SPATA13: variants seen among roughly 807,000 people sequenced by gnomAD.
SPATA13 encodes the protein spermatogenesis-associated protein 13.
A neutral mutation model predicts 104.0 loss-of-function variants in SPATA13; 50 were observed. That is an observed-to-expected ratio of 0.48 (90% CI 0.38 to 0.61). The LOEUF (loss-of-function observed/expected upper bound fraction) is 0.61, where lower values mean the gene tolerates loss of function less well. Ranked by LOEUF, SPATA13 falls within the 20% of genes least tolerant of loss-of-function variation. SPATA13 has a pLI of 0.00. For missense variants in SPATA13, 1,524 were observed against 1,690.6 expected (o/e 0.90, Z 1.73); for synonymous variants, 606 against 667.5 (o/e 0.91, Z 1.42).
chr13:24,076,071 G>A (rs1288875946), intron 3 of SPATA13, among the ~76,000 whole-genome samples: 1 of 152,130 alleles, frequency 6.6e-6, no homozygotes, highest in Admixed American at 6.6e-5. Flanking sequence ...ACGGAAACAC[G>A]TTTCCCCACT....
At chr13:24,003,656 T>A (rs973501545) in intron 2 of SPATA13, among the ~76,000 whole-genome samples, 1 of 152,236 alleles carries the variant, frequency 6.6e-6, no homozygotes, top group African/African-American at 2.4e-5. Context: ...ATATAATGCA[T>A]TTCAAGCAAT....
At chr13:24,143,810 T>C (rs962327943) in intron 3 of SPATA13, among the ~76,000 whole-genome samples, 1 of 152,202 alleles carries the variant, frequency 6.6e-6, no homozygotes, top group African/African-American at 2.4e-5. Context: ...ATGTGACCTC[T>C]AAGACTAGGA....
chr13:24,142,408 C>G (rs1049829547), intron 3 of SPATA13, among the ~76,000 whole-genome samples: 2 of 152,098 alleles, frequency 1.3e-5, no homozygotes, highest in East Asian at 3.9e-4. Flanking sequence ...TTTAGTTTTT[C>G]TTTGTCTTTC....
rs192664770 is a variant in SPATA13, at chr13:24,135,156, A to G, written c.-111-87663A>G. Among the ~76,000 whole-genome samples the G allele has an allele frequency of 3.4e-3, 525 of 152,306 alleles. 5 individuals carry two copies. The highest frequency in any genetic ancestry group is 0.012 in the African/African-American group (499 of 41,552). ...GCAGGAAAATAAATTTCTATTGTAT[A>G]AGCCACCTAGCTCGTGATACTTTGT... On this transcript the variant is annotated intron_variant, in intron 3 of 14. Coordinates refer to the SPATA13 transcript ENST00000424834.
intron 3 of SPATA13, among the ~76,000 whole-genome samples, chr13:24,066,044 A>G (rs1001708006): frequency 1.3e-5 from 2 of 152,388 alleles, no homozygotes; most frequent in East Asian, 3.9e-4. Context: ...AATGCCAAGT[A>G]CATAGTATGT....
intron 3 of SPATA13, among the ~76,000 whole-genome samples, chr13:24,074,735 G>A (rs1367336656): frequency 6.6e-6 from 1 of 152,212 alleles, no homozygotes; most frequent in Non-Finnish European, 1.5e-5. Flanking sequence ...ATTTAGCAGA[G>A]TTTAATTGAG....
In SPATA13 at chr13:24,224,465, GCCAGGGCCTGTGTCCTTGCAGGAT is replaced by G; in HGVS notation, c.1539_1562del (p.Gly514_Pro521del). On this transcript the variant is annotated inframe_deletion, in exon 2 of 13. Coordinates refer to ENST00000382108, the MANE Select transcript of SPATA13 (RefSeq NM_001166271.3). ...GGGCAGAAGAGCCTGCTCAGAGAGAGCCAGGGCCTGTGTCCTTGCAGGATCCCCTGGAAGCCACACATGGTGATG... is the reference window on the plus strand; with the variant it reads ...GGGCAGAAGAGCCTGCTCAGAGAGAGCCCCTGGAAGCCACACATGGTGATG... 1 of 1,551,442 alleles carries G rather than the reference GCCAGGGCCTGTGTCCTTGCAGGAT, an allele frequency of 6.4e-7. No individual in the cohort carries two copies. Among genetic ancestry groups the G allele is most frequent in the East Asian group, 2.4e-5 (1 of 40,926 alleles).
rs372766436 is a variant in SPATA13, at chr13:24,286,232, G to A, written c.2320G>A (p.Val774Met). The change falls in exon 6 of 13, where the codon GTG (valine) becomes ATG (methionine). Residue 774 changes from valine (V) to methionine (M), a missense_variant. This residue lies in a region of SPATA13 where 1,089 missense variants were observed against 1,135.9 expected (regional missense o/e 0.96). Coordinates refer to ENST00000382108, the MANE Select transcript of SPATA13 (RefSeq NM_001166271.3). This position sits in a 1 kb window ranked among gnomAD's most constrained non-coding sequence, Gnocchi z 4.9. Reference sequence around the variant, plus strand: ...CTTTCAGCTGATCAGTGATGGCAACGTGGTCTGCGCAGAAGCCCTGTGGGA... The same window carrying A: ...CTTTCAGCTGATCAGTGATGGCAACATGGTCTGCGCAGAAGCCCTGTGGGA... ...AINELISDGN[V>M]VCAEALWDHV... 42 of 1,612,818 alleles carry A rather than the reference G, an allele frequency of 2.6e-5. No individual in the cohort carries two copies. Among genetic ancestry groups the A allele is most frequent in the African/African-American group, 1.7e-4 (13 of 75,016 alleles).
chr13:24,298,633 C>T (rs1876958931), intron 11 of SPATA13, among the ~76,000 whole-genome samples: 2 of 152,288 alleles, frequency 1.3e-5, no homozygotes, highest in South Asian at 4.1e-4. Context: ...GAGCCCAGCC[C>T]TCAAAAGTCA....
At chr13:24,141,191 A>G (rs1370432209) in intron 3 of SPATA13, among the ~76,000 whole-genome samples, 3 of 151,904 alleles carry the variant, frequency 2.0e-5, no homozygotes, top group Admixed American at 6.6e-5. Context: ...AAAAAGAAAA[A>G]GAAATTAGGT....
At chr13:24,233,190 G>T (rs1454076350) in intron 2 of SPATA13, among the ~76,000 whole-genome samples, 1 of 152,048 alleles carries the variant, frequency 6.6e-6, no homozygotes, top group Non-Finnish European at 1.5e-5. Context: ...AAACATTACA[G>T]AATTTGAATC....
intron 2 of SPATA13, among the ~76,000 whole-genome samples, chr13:24,015,307 A>C (rs550930782): frequency 4.6e-5 from 7 of 152,384 alleles, no homozygotes; most frequent in African/African-American, 1.4e-4. Flanking sequence ...CAAAATAGAC[A>C]CATGACATTA....
chr13:24,233,565 A>G (rs1290382943), intron 2 of SPATA13, among the ~76,000 whole-genome samples: 2 of 152,212 alleles, frequency 1.3e-5, no homozygotes, highest in Non-Finnish European at 2.9e-5. Flanking sequence ...AATTCACATC[A>G]TGAGTCTAAA....
At chr13:24,117,432 A>C (rs751695304) in intron 3 of SPATA13, among the ~76,000 whole-genome samples, 9 of 152,212 alleles carry the variant, frequency 5.9e-5, no homozygotes, top group Non-Finnish European at 1.3e-4. Context: ...ACTACAGATG[A>C]TGCAGTTTGG....
chr13:24,205,513 G>A lies in SPATA13; in HGVS notation c.-111-17306G>A, dbSNP rs1254038222. 6.6e-6 allele frequency among the ~76,000 whole-genome samples: 1 copy of A among 152,102 alleles called. No homozygotes were observed. The highest frequency in any genetic ancestry group is 1.5e-5 in the Non-Finnish European group (1 of 68,028). On this transcript the variant is annotated intron_variant, in intron 1 of 12. Coordinates refer to ENST00000382108, the MANE Select transcript of SPATA13 (RefSeq NM_001166271.3). The surrounding 1 kb of genome is among the most constrained non-coding windows in gnomAD (Gnocchi z 4.1). ...CATAAAAATGGCCATACTGCTCAAA[G>A]CAATTTATCAATTCAATGCTATTCT...
intron 9 of SPATA13, among the ~76,000 whole-genome samples, chr13:24,291,645 CCTGA>C (rs747835482): frequency 7.9e-5 from 12 of 152,354 alleles, no homozygotes; most frequent in Admixed American, 1.3e-4. Flanking sequence ...TTCCTTGGTG[CCTGA>C]CTAAGCTCTT....
chr13:24,272,134 C>T (rs1593481761), intron 4 of SPATA13, among the ~76,000 whole-genome samples: 2 of 152,118 alleles, frequency 1.3e-5, no homozygotes, highest in South Asian at 2.1e-4. Flanking sequence ...TGAGCAGGGG[C>T]GTGTTCATTC....
At chr13:24,071,600 T>C (rs535300062) in intron 3 of SPATA13, among the ~76,000 whole-genome samples, 1 of 152,312 alleles carries the variant, frequency 6.6e-6, no homozygotes, top group East Asian at 1.9e-4. Context: ...GACTCAGCCC[T>C]CTGTAGTATG....
intron 3 of SPATA13, among the ~76,000 whole-genome samples, chr13:24,054,341 G>A (rs1212217950): frequency 6.6e-6 from 1 of 152,186 alleles, no homozygotes; most frequent in Non-Finnish European, 1.5e-5. Context: ...GAAGTTTAAC[G>A]AAATTAGCTC....
Sources: gnomAD v4.1 joint callset for allele counts (sites outside exome capture counted in the v4.1 genomes callset) on GRCh38, gnomAD v4.1.1 for gene constraint, gnomAD v4.1.1 regional missense constraint, Gnocchi (gnomAD v3.1) non-coding constraint, MANE v1.5 for transcripts, NCBI Gene and HGNC (gene_info 2026-07-23, HGNC 2026-07-21) for gene names.